Variants in CLMP observed in about 807,000 individuals in gnomAD.
The protein encoded by CLMP is CXADR-like membrane protein.
Under a neutral mutation model 45.2 loss-of-function variants are expected in CLMP, and 27 were observed. That is an observed-to-expected ratio of 0.60 (90% confidence interval 0.44 to 0.82). The LOEUF is 0.82. Ranked by LOEUF, CLMP falls within the 40% of genes least tolerant of loss-of-function variation. CLMP has a pLI of 0.00. For missense variants in CLMP, 403 were observed against 448.4 expected (o/e 0.90, Z 0.91); for synonymous variants, 167 against 171.4 (o/e 0.97, Z 0.20).
intron 6 of CLMP, 38 bp from the exon 7 acceptor site, chr11:123,073,812 T>G: frequency 6.5e-7 from 1 of 1,528,826 alleles, no homozygotes; most frequent in Non-Finnish European, 8.8e-7. Context: ...CACTGGCAGA[T>G]CTGTGATTGC....
intron 1 of CLMP, among the ~76,000 whole-genome samples, chr11:123,147,454 T>C (rs1861254447): frequency 6.6e-6 from 1 of 152,218 alleles, no homozygotes; most frequent in African/African-American, 2.4e-5. Flanking sequence ...AAGATAGTTT[T>C]TTCTTTACAG....
At chr11:123,117,887 A>C (rs1479523818) in intron 1 of CLMP, among the ~76,000 whole-genome samples, 2 of 152,234 alleles carry the variant, frequency 1.3e-5, no homozygotes, top group African/African-American at 2.4e-5. Flanking sequence ...TATGGCAGGT[A>C]GAATATGAAA....
At chr11:123,164,943 T>C (rs1861538265) in intron 1 of CLMP, among the ~76,000 whole-genome samples, 1 of 152,186 alleles carries the variant, frequency 6.6e-6, no homozygotes, top group Admixed American at 6.5e-5. Context: ...TAATCAAGTA[T>C]ATTCTAATAT....
intron 1 of CLMP, among the ~76,000 whole-genome samples, chr11:123,119,052 CCT>C (rs759949891): frequency 0.12 from 2,363 of 19,364 alleles, 330 homozygotes; most frequent in Middle Eastern, 0.28. Flanking sequence ...TCTCCCTCTC[CCT>C]CTCTCTCTCT....
Position 123,072,273 on chromosome 11 carries a change from G to A in CLMP, c.*1201C>T, listed in dbSNP as rs539540924. 1 of 152,068 alleles carries A rather than the reference G, an allele frequency of 6.6e-6. No individual in the cohort carries two copies. Among genetic ancestry groups the A allele is most frequent in the African/African-American group, 2.4e-5 (1 of 41,496 alleles). 9.4% of individuals were successfully genotyped at this position (152,068 alleles called of 1,614,324 possible). A position where few individuals can be genotyped will look rare whatever the true frequency, so the allele number is the denominator to read the frequency against. On this transcript the variant is annotated 3_prime_UTR_variant, in exon 7 of 7. Coordinates refer to ENST00000448775, the MANE Select transcript of CLMP (RefSeq NM_024769.5). Reference sequence around the variant, plus strand: ...ATGGAAGAAATGGAGGAAGTTCCAAGTGTGGTACAATACTGAACTTCCTTT... The same window carrying A: ...ATGGAAGAAATGGAGGAAGTTCCAAATGTGGTACAATACTGAACTTCCTTT...
chr11:123,183,455 T>A (rs1040531747), intron 1 of CLMP, among the ~76,000 whole-genome samples: 14 of 152,204 alleles, frequency 9.2e-5, no homozygotes, highest in African/African-American at 3.1e-4. Flanking sequence ...GGTCTCGAAC[T>A]CCTGACCTCA....
chr11:123,160,121 A>C (rs997467775), intron 1 of CLMP, among the ~76,000 whole-genome samples: 1 of 151,892 alleles, frequency 6.6e-6, no homozygotes, highest in Non-Finnish European at 1.5e-5. Context: ...TCTACTAAAA[A>C]ATACGAAAAT....
At chr11:123,120,909 G>A (rs937374270) in intron 1 of CLMP, among the ~76,000 whole-genome samples, 2 of 151,958 alleles carry the variant, frequency 1.3e-5, no homozygotes, top group African/African-American at 2.4e-5. Flanking sequence ...GGAGGATCAC[G>A]AGGTCAGGAG....
At chr11:123,173,890 T>G (rs1403559266) in intron 1 of CLMP, among the ~76,000 whole-genome samples, 1 of 152,108 alleles carries the variant, frequency 6.6e-6, no homozygotes. Context: ...GAGACCAGCC[T>G]GGGCAATATG....
Position 123,188,232 on chromosome 11 carries a change from G to A in CLMP, c.28+6681C>T, listed in dbSNP as rs142815148. ...CTGTAATTGTTTTGTGTGAGACAGC[G>A]TGTGCCTGAAGTAGGAAATGTTACA... is the stretch of plus-strand genomic sequence containing the variant. On this transcript the variant is annotated intron_variant, in intron 1 of 6. Coordinates refer to ENST00000448775, the MANE Select transcript of CLMP (RefSeq NM_024769.5). Among the ~76,000 whole-genome samples the A allele has an allele frequency of 3.0e-4, 45 of 152,272 alleles. No homozygotes were observed. In the East Asian group the frequency reaches 5.8e-3, roughly 20 times the overall value.
intron 1 of CLMP, among the ~76,000 whole-genome samples, chr11:123,161,629 T>C (rs370215515): frequency 1.1e-4 from 16 of 152,222 alleles, no homozygotes; most frequent in South Asian, 4.1e-4. Flanking sequence ...TGAGCCAAGA[T>C]TGCACCACAG....
At chr11:123,096,254 G>T (rs7122306) in intron 2 of CLMP, among the ~76,000 whole-genome samples, 61,486 of 151,704 alleles carry the variant, frequency 0.41, 14,350 homozygotes, top group African/African-American at 0.65. Flanking sequence ...CTCAGGAGTT[G>T]GAGGCATGAG....
chr11:123,190,981 G>A (rs1861899381), intron 1 of CLMP, among the ~76,000 whole-genome samples: 1 of 152,184 alleles, frequency 6.6e-6, no homozygotes, highest in South Asian at 2.1e-4. Context: ...CATCTTAAAA[G>A]AAGGCATAGA....
chr11:123,172,400 C>T (rs1053518335), intron 1 of CLMP, among the ~76,000 whole-genome samples: 1 of 151,890 alleles, frequency 6.6e-6, no homozygotes, highest in East Asian at 1.9e-4. Flanking sequence ...CTTGAGCCAC[C>T]GCACCCAGCC....
At chr11:123,077,141 G>A (rs1865750944) in intron 5 of CLMP, among the ~76,000 whole-genome samples, 1 of 150,956 alleles carries the variant, frequency 6.6e-6, no homozygotes, top group Non-Finnish European at 1.5e-5. Context: ...TGGGATTACC[G>A]GCGTGCACCA....
intron 1 of CLMP, among the ~76,000 whole-genome samples, chr11:123,176,786 C>A (rs1009768485): frequency 1.3e-5 from 2 of 152,250 alleles, no homozygotes; most frequent in East Asian, 3.9e-4. Flanking sequence ...AGAGAATCAC[C>A]ATTTTGGGTG....
At chr11:123,193,139 T>C (rs1212609796) in intron 1 of CLMP, 1 of 152,216 alleles carries the variant, frequency 6.6e-6, no homozygotes, top group Non-Finnish European at 1.5e-5. Context: ...TGTAAAGCAA[T>C]GCGCTTTAGC....
At chr11:123,075,456 G>A (rs572196868) in intron 5 of CLMP, among the ~76,000 whole-genome samples, 2 of 151,962 alleles carry the variant, frequency 1.3e-5, no homozygotes, top group African/African-American at 4.8e-5. Context: ...ACGCGATCTC[G>A]GCTCACTGCA....
intron 1 of CLMP, among the ~76,000 whole-genome samples, chr11:123,115,395 A>T (rs931832502): frequency 3.9e-5 from 6 of 151,986 alleles, no homozygotes; most frequent in Non-Finnish European, 8.8e-5. Flanking sequence ...CCCATTTTTT[A>T]CATATATATA....
Sources: allele counts gnomAD v4.1 joint callset (sites outside exome capture counted in the v4.1 genomes callset), GRCh38; gene constraint gnomAD v4.1.1; transcripts MANE v1.5; gene names NCBI Gene and HGNC (gene_info 2026-07-23, HGNC 2026-07-21).